Variants in CNTNAP2 observed in about 807,000 individuals in gnomAD.
CNTNAP2 encodes the protein contactin associated protein 2.
Under a neutral mutation model 155.2 loss-of-function variants are expected in CNTNAP2, and 98 were observed. The observed-to-expected ratio is 0.63, with a 90% CI of 0.54 to 0.75. The LOEUF (loss-of-function observed/expected upper bound fraction) is 0.75. Ranked by LOEUF, CNTNAP2 falls within the 30% of genes least tolerant of loss-of-function variation. The pLI is 0.00. For missense variants in CNTNAP2, 1,727 were observed against 1,688.1 expected (o/e 1.02, Z -0.40); for synonymous variants, 651 against 631.2 (o/e 1.03, Z -0.47).
intron 1 of CNTNAP2, among the ~76,000 whole-genome samples, chr7:146,512,664 G>A (rs1210073661): frequency 1.3e-5 from 2 of 151,608 alleles, no homozygotes; most frequent in Non-Finnish European, 3.0e-5. Context: ...ATACTTGACT[G>A]TTTTAAATTT....
chr7:147,375,947 TTGA>T (rs1796426164), intron 9 of CNTNAP2, among the ~76,000 whole-genome samples: 1 of 152,016 alleles, frequency 6.6e-6, no homozygotes, highest in East Asian at 1.9e-4. Context: ...CCTGGAAGAA[TTGA>T]TGAAGGCTTC....
chr7:146,261,181 G>A (rs1799914287), intron 1 of CNTNAP2, among the ~76,000 whole-genome samples: 1 of 152,168 alleles, frequency 6.6e-6, no homozygotes, highest in Non-Finnish European at 1.5e-5. Flanking sequence ...ATGGAACTGT[G>A]AGTCAATTAA....
intron 21 of CNTNAP2, among the ~76,000 whole-genome samples, chr7:148,315,794 G>A (rs1425101037): frequency 6.6e-6 from 1 of 152,178 alleles, no homozygotes; most frequent in Non-Finnish European, 1.5e-5. Flanking sequence ...ATGTGCTTGG[G>A]TTTTATAAGT....
chr7:147,082,744 C>G (rs1160816408), intron 4 of CNTNAP2: 1 of 152,078 alleles, frequency 6.6e-6, no homozygotes, highest in African/African-American at 2.4e-5. Context: ...CAAACTGATT[C>G]AAAAAGCAAG....
intron 3 of CNTNAP2, among the ~76,000 whole-genome samples, chr7:146,944,209 G>A (rs1008627864): frequency 7.0e-6 from 1 of 143,332 alleles, no homozygotes; most frequent in Admixed American, 6.9e-5. Flanking sequence ...TCTAGGCTGT[G>A]AGATTCATCT....
chr7:146,572,624 G>T (rs10275587), intron 1 of CNTNAP2, among the ~76,000 whole-genome samples: 5 of 151,990 alleles, frequency 3.3e-5, no homozygotes, highest in South Asian at 2.1e-4. Context: ...CCAAAGCCAG[G>T]GGAGTTTCAA....
intron 10 of CNTNAP2, among the ~76,000 whole-genome samples, chr7:147,420,624 A>G (rs555666946): frequency 1.3e-5 from 2 of 152,326 alleles, no homozygotes; most frequent in East Asian, 3.9e-4. Flanking sequence ...GCAGGGTTGC[A>G]TATTTGAAAG....
intron 1 of CNTNAP2, among the ~76,000 whole-genome samples, chr7:146,680,354 C>A (rs1361792870): frequency 6.6e-6 from 1 of 152,164 alleles, no homozygotes; most frequent in African/African-American, 2.4e-5. Context: ...AAGCTGAATT[C>A]TGTTCTTTAG....
chr7:147,566,258 T>C (rs1009286062), intron 12 of CNTNAP2, among the ~76,000 whole-genome samples: 3 of 147,440 alleles, frequency 2.0e-5, no homozygotes, highest in Non-Finnish European at 4.5e-5. Context: ...ATCACACTAC[T>C]GAATTCCAGC....
At chr7:147,051,708 A>T (rs1054356680) in intron 4 of CNTNAP2, among the ~76,000 whole-genome samples, 1 of 152,084 alleles carries the variant, frequency 6.6e-6, no homozygotes, top group Non-Finnish European at 1.5e-5. Flanking sequence ...ACAAATTATT[A>T]TGTTGCTTAG....
At chr7:146,144,411 A>G (rs1324130620) in intron 1 of CNTNAP2, among the ~76,000 whole-genome samples, 4 of 152,158 alleles carry the variant, frequency 2.6e-5, no homozygotes, top group Non-Finnish European at 5.9e-5. Flanking sequence ...TTCAGCCTCC[A>G]AAAGTGCTAG....
intron 1 of CNTNAP2, among the ~76,000 whole-genome samples, chr7:146,656,967 T>TG (rs1445978494): frequency 6.6e-6 from 1 of 152,196 alleles, no homozygotes; most frequent in Non-Finnish European, 1.5e-5. Context: ...TGCCTCTTTT[T>TG]GTCCATATCT....
At chr7:147,829,144 G>C (rs1798508464) in intron 13 of CNTNAP2, among the ~76,000 whole-genome samples, 4 of 152,164 alleles carry the variant, frequency 2.6e-5, no homozygotes. Context: ...CAGGACATCA[G>C]AACATAATGC....
intron 8 of CNTNAP2, among the ~76,000 whole-genome samples, chr7:147,246,803 C>A (rs1804079988): frequency 6.6e-6 from 1 of 152,126 alleles, no homozygotes; most frequent in African/African-American, 2.4e-5. Flanking sequence ...ATGGCCTAAC[C>A]AAGTTACAAG....
At chr7:147,900,927 C>T (rs1427726134) in intron 13 of CNTNAP2, among the ~76,000 whole-genome samples, 1 of 152,210 alleles carries the variant, frequency 6.6e-6, no homozygotes, top group Non-Finnish European at 1.5e-5. Context: ...CAGACTTCTA[C>T]AATCAATTTG....
chr7:147,164,226 A>T lies in CNTNAP2; in HGVS notation c.1348+31717A>T, dbSNP rs570536418. 6.2e-4 allele frequency among the ~76,000 whole-genome samples: 95 copies of T among 152,340 alleles called. 2 individuals carry two copies. Among genetic ancestry groups the T allele is most frequent in the Non-Finnish European group, 4.1e-4 (28 of 68,024 alleles). ...TCTTATATTTTGAAAGCCAGGTGTG[A>T]CAGTTGACATTATTTACTAGGACTG... On this transcript the variant is annotated intron_variant, in intron 8 of 23. Transcript: ENST00000361727.
At chr7:147,400,812 G>A (rs1222058066) in intron 10 of CNTNAP2, among the ~76,000 whole-genome samples, 2 of 152,114 alleles carry the variant, frequency 1.3e-5, no homozygotes, top group Non-Finnish European at 2.9e-5. Flanking sequence ...ACCATAGATC[G>A]AGCAGCCACT....
chr7:146,725,944 A>T (rs1321858551), intron 1 of CNTNAP2, among the ~76,000 whole-genome samples: 4 of 152,202 alleles, frequency 2.6e-5, no homozygotes, highest in Admixed American at 2.0e-4. Context: ...CTCTGCATGA[A>T]TTAAGCTCTT....
intron 9 of CNTNAP2, among the ~76,000 whole-genome samples, chr7:147,343,019 T>C (rs952575243): frequency 1.3e-5 from 2 of 152,164 alleles, no homozygotes; most frequent in Non-Finnish European, 2.9e-5. Context: ...TGTTAAAACC[T>C]TATACACCTT....
Sources: allele counts gnomAD v4.1 joint callset (sites outside exome capture counted in the v4.1 genomes callset), GRCh38; gene constraint gnomAD v4.1.1; transcripts MANE v1.5; gene names NCBI Gene and HGNC (gene_info 2026-07-23, HGNC 2026-07-21).